The following ERICH1 variants were observed in gnomAD, a reference collection of about 807,000 sequenced individuals.
ERICH1 encodes glutamate-rich protein 1.
A neutral mutation model predicts 39.6 loss-of-function variants in ERICH1; 56 were observed. The observed-to-expected ratio is 1.41, with a 90% CI of 1.14 to 1.77. The LOEUF is 1.77. Ranked by LOEUF, ERICH1 falls within the 40% of genes most tolerant of loss-of-function variation. ERICH1 has a pLI of 0.00. For synonymous variants in ERICH1, 313 were observed against 223.6 expected, an observed-to-expected ratio of 1.40 and a Z score of -3.57; for missense variants, 826 against 575.4, an observed-to-expected ratio of 1.44 and a Z score of -4.45.
chr8:626,887 G>T, intron 3 of ERICH1: 1 of 303,626 alleles, frequency 3.3e-6, no homozygotes, highest in Non-Finnish European at 6.8e-6. Context: ...CTGGCGGTTG[G>T]AACCTGTTCA....
chr8:684,996 A>G (rs1806976078), intron 3 of ERICH1, among the ~76,000 whole-genome samples: 1 of 152,228 alleles, frequency 6.6e-6, no homozygotes, highest in Non-Finnish European at 1.5e-5. Context: ...ATTGTCATTG[A>G]TAACAGGGTT....
chr8:631,743 G>A (rs1254898469), intron 3 of ERICH1, among the ~76,000 whole-genome samples: 1 of 152,104 alleles, frequency 6.6e-6, no homozygotes, highest in Non-Finnish European at 1.5e-5. Context: ...CCACACCATC[G>A]TCTCTGGAAC....
chr8:715,050 T>A (rs1272330497), intron 2 of ERICH1, among the ~76,000 whole-genome samples: 1 of 152,188 alleles, frequency 6.6e-6, no homozygotes, highest in Non-Finnish European at 1.5e-5. Context: ...CCCGTGTCTC[T>A]CGGTGGGATG....
downstream of ERICH1, among the ~76,000 whole-genome samples, chr8:663,512 G>A (rs571835751): frequency 1.9e-5 from 2 of 104,100 alleles, no homozygotes; most frequent in East Asian, 8.5e-4. Context: ...GGACACGGAT[G>A]CTCACAGGCG....
chr8:713,109 C>T (rs1349124826), intron 2 of ERICH1, among the ~76,000 whole-genome samples: 2 of 152,230 alleles, frequency 1.3e-5, no homozygotes, highest in Admixed American at 6.5e-5. Context: ...TCAAGCCTCT[C>T]TACGTATGTG....
At position 698,270 on chromosome 8, in the gene ERICH1, G is replaced by A. The variant is rs189753635; in HGVS notation, c.170-5658C>T. Among the ~76,000 whole-genome samples the A allele has an allele frequency of 2.4e-3, 359 of 150,762 alleles. 4 individuals are homozygous for A. The highest frequency in any genetic ancestry group is 6.7e-3 in the African/African-American group (274 of 41,044). On this transcript the variant is annotated intron_variant, in intron 2 of 5. Transcript: ENST00000262109. Reference sequence around the variant, plus strand: ...GTCTCACTCTGTCACCCAGGCTGGAGTGCAGCGGCTCGATCTCCGCTCACT... The same window carrying A: ...GTCTCACTCTGTCACCCAGGCTGGAATGCAGCGGCTCGATCTCCGCTCACT...
chr8:707,242 C>G (rs1349488935), intron 2 of ERICH1, among the ~76,000 whole-genome samples: 1 of 140,236 alleles, frequency 7.1e-6, no homozygotes, highest in Non-Finnish European at 1.5e-5. Context: ...GAGTATCACT[C>G]TATCACCCAG....
Position 673,667 on chromosome 8 carries a change from T to C in ERICH1, c.685A>G (p.Thr229Ala), listed in dbSNP as rs745639294. 1 of 1,611,958 alleles carries C rather than the reference T, an allele frequency of 6.2e-7. No individual in the cohort carries two copies. The highest frequency in any genetic ancestry group is 8.5e-7 in the Non-Finnish European group (1 of 1,179,212). Residue 229 changes from threonine to alanine, a missense_variant, in exon 4 of 6, where the codon ACC becomes GCC. Coordinates refer to ENST00000262109, the MANE Select transcript of ERICH1 (RefSeq NM_207332.3). ...GCGTCCGCACCATCTTCCTCCCTGG[T>C]ATCTTTAACGTCTTCCTCCCCGGCC... Reference protein sequence around the residue: ...TLAGEEDVKDTREEDGADASE... With the variant: ...TLAGEEDVKDAREEDGADASE...
At chr8:714,008 C>G (rs1300690549) in intron 2 of ERICH1, among the ~76,000 whole-genome samples, 35 of 141,184 alleles carry the variant, frequency 2.5e-4, no homozygotes, top group African/African-American at 8.9e-4. Context: ...GCGGCCTCTT[C>G]CGGCATCTCT....
intron 3 of ERICH1, among the ~76,000 whole-genome samples, chr8:633,408 C>T (rs1798176335): frequency 6.6e-6 from 1 of 152,106 alleles, no homozygotes; most frequent in Middle Eastern, 3.2e-3. Context: ...GGGTAAATCT[C>T]AAAAACACAG....
rs540634431 is a variant in ERICH1 at position 684,393 on chromosome 8, A to G, written c.304+8085T>C. Among the ~76,000 whole-genome samples the G allele has an allele frequency of 2.0e-5, 3 of 152,386 alleles. No individual in the cohort carries two copies. The South Asian group carries it at 6.2e-4, about 32-fold the overall frequency. On this transcript the variant is annotated intron_variant, in intron 3 of 5. Coordinates refer to ENST00000262109, the MANE Select transcript of ERICH1 (RefSeq NM_207332.3). The stretch of plus-strand genomic sequence containing the variant: ...AAAAATTTAAATAGTAAATTTAAAT[A>G]GAGTAAATGTATCCACAAAAAAATG...
At chr8:680,799 G>A (rs181180915) in intron 3 of ERICH1, among the ~76,000 whole-genome samples, 169 of 152,346 alleles carry the variant, frequency 1.1e-3, no homozygotes, top group African/African-American at 3.9e-3. Flanking sequence ...TCCTGACAGT[G>A]TGTGAGAGAG....
chr8:681,330 C>T (rs1017582975), intron 3 of ERICH1, among the ~76,000 whole-genome samples: 2 of 152,180 alleles, frequency 1.3e-5, no homozygotes, highest in Non-Finnish European at 2.9e-5. Flanking sequence ...ATCTAGCTCA[C>T]GAGAAAAACA....
At chr8:675,029 G>A (rs1804358248) in intron 3 of ERICH1, among the ~76,000 whole-genome samples, 1 of 152,262 alleles carries the variant, frequency 6.6e-6, no homozygotes, top group African/African-American at 2.4e-5. Context: ...GGGCAGCATG[G>A]CTTGAAACGG....
At chr8:697,975 G>C (rs1318433480) in intron 2 of ERICH1, among the ~76,000 whole-genome samples, 1 of 152,118 alleles carries the variant, frequency 6.6e-6, no homozygotes, top group Non-Finnish European at 1.5e-5. Context: ...CCTGCGTCTG[G>C]GGCTGGGCCC....
At chr8:725,916 C>G (rs1438886800) in intron 1 of ERICH1, 1 of 152,342 alleles carries the variant, frequency 6.6e-6, no homozygotes, top group Admixed American at 6.5e-5. Context: ...AGCACGTTGT[C>G]CTTCCTTGAA....
chr8:682,269 T>C (rs982596545), intron 3 of ERICH1, among the ~76,000 whole-genome samples: 1 of 152,178 alleles, frequency 6.6e-6, no homozygotes, highest in African/African-American at 2.4e-5. Context: ...AAGCATCCCA[T>C]TCTCAGCTTT....
At chr8:709,328 T>C (rs954090384) in intron 2 of ERICH1, among the ~76,000 whole-genome samples, 2 of 152,162 alleles carry the variant, frequency 1.3e-5, no homozygotes, top group African/African-American at 4.8e-5. Context: ...TGTGAGACCA[T>C]GTCACCGAGG....
At chr8:701,827 C>T (rs1253071616) in intron 2 of ERICH1, among the ~76,000 whole-genome samples, 3 of 152,072 alleles carry the variant, frequency 2.0e-5, no homozygotes, top group African/African-American at 7.2e-5. Context: ...CGCGGTTGCT[C>T]ACGCATGTAA....
Sources: allele counts gnomAD v4.1 joint callset (sites outside exome capture counted in the v4.1 genomes callset), GRCh38; gene constraint gnomAD v4.1.1; transcripts MANE v1.5; gene names NCBI Gene and HGNC (gene_info 2026-07-23, HGNC 2026-07-21).